Variants in BAZ1A observed in about 807,000 individuals in gnomAD.
BAZ1A encodes the protein bromodomain adjacent to zinc finger domain protein 1A.
In BAZ1A, 50 loss-of-function variants were observed where a neutral mutation model predicts 185.2. The ratio of observed to expected loss-of-function variants is 0.27; its 90% CI spans 0.22 to 0.34. The LOEUF (loss-of-function observed/expected upper bound fraction) is 0.34, where lower values mean the gene tolerates loss of function less well. Ranked by LOEUF, BAZ1A falls within the 10% of genes least tolerant of loss-of-function variation. The pLI, the probability that BAZ1A is intolerant of heterozygous loss-of-function variation, is 1.00. For missense variants in BAZ1A, 1,356 were observed against 1,839.9 expected (o/e 0.74, Z 4.81); for synonymous variants, 571 against 615.6 (o/e 0.93, Z 1.07).
intron 12 of BAZ1A, among the ~76,000 whole-genome samples, chr14:34,791,213 C>G (rs1387123610): frequency 3.3e-5 from 5 of 152,142 alleles, no homozygotes; most frequent in African/African-American, 1.2e-4. Flanking sequence ...TATATTTTTC[C>G]TTTATACTGA....
chr14:34,865,291 G>C (rs1384311581), intron 2 of BAZ1A, among the ~76,000 whole-genome samples: 1 of 152,060 alleles, frequency 6.6e-6, no homozygotes, highest in African/African-American at 2.4e-5. Flanking sequence ...ATATGCAAAA[G>C]GGTTAACAAT....
intron 6 of BAZ1A, among the ~76,000 whole-genome samples, chr14:34,803,795 T>C (rs1881709069): frequency 6.6e-6 from 1 of 152,204 alleles, no homozygotes; most frequent in Admixed American, 6.5e-5. Context: ...CTACTTAATA[T>C]ATCAAATTTC....
At chr14:34,757,252 C>T (rs1886291237) in intron 25 of BAZ1A, among the ~76,000 whole-genome samples, 1 of 150,338 alleles carries the variant, frequency 6.7e-6, no homozygotes, top group Non-Finnish European at 1.5e-5. Flanking sequence ...GTAATTCCAG[C>T]TACTCGGGAG....
At chr14:34,768,169 T>A (rs760427500) in intron 21 of BAZ1A, among the ~76,000 whole-genome samples, 1 of 152,124 alleles carries the variant, frequency 6.6e-6, no homozygotes, top group East Asian at 1.9e-4. Context: ...AATTCCTCCA[T>A]AAATTATTAA....
At position 34,807,479 on chromosome 14, in the gene BAZ1A, TCA is replaced by T; in HGVS notation, c.696_697del (p.Cys232Ter). 6.2e-7 allele frequency: 1 copy of T among 1,612,608 alleles called. No homozygotes were observed. Among genetic ancestry groups the T allele is most frequent in the Non-Finnish European group, 8.5e-7 (1 of 1,179,000 alleles). The stretch of plus-strand genomic sequence containing the variant: ...TATTTTAATGACTCCATCTTGTGGT[TCA>T]CAGTGTTGCTTCAGAAAAAGCTTTA... On this transcript the variant is annotated stop_gained and frameshift_variant, in exon 6 of 27. Coordinates refer to ENST00000360310, the MANE Select transcript of BAZ1A (RefSeq NM_013448.3). LOFTEE classifies it high-confidence loss of function.
At position 34,754,854 on chromosome 14, in the gene BAZ1A, C is replaced by T. The variant is rs1886174012; in HGVS notation, c.4447G>A (p.Val1483Met). 1 of 1,602,034 alleles carries T rather than the reference C, an allele frequency of 6.2e-7. No homozygotes were observed. The highest frequency in any genetic ancestry group is 8.5e-7 in the Non-Finnish European group (1 of 1,173,736). The change falls in exon 26 of 27, where the codon GTG becomes ATG. Residue 1483 changes from valine to methionine, a missense_variant. Around this residue, in one of 7 missense-constraint regions of BAZ1A, gnomAD observed 61 missense variants for 117.9 expected, o/e 0.52. Transcript: ENST00000360310. ...PIALNIIREK[V>M]NKCEYKLASE... ...GCTAATTTATATTCACACTTATTCACTTTTTCACGAATTATATTTAAGGCA... is the reference window on the plus strand; with the variant it reads ...GCTAATTTATATTCACACTTATTCATTTTTTCACGAATTATATTTAAGGCA...
chr14:34,764,510 T>C (rs1235821961), intron 23 of BAZ1A, among the ~76,000 whole-genome samples, 197 bp downstream of exon 23: 1 of 152,060 alleles, frequency 6.6e-6, no homozygotes, highest in African/African-American at 2.4e-5. Flanking sequence ...CAGGCTGATC[T>C]CGAACTCCTG....
chr14:34,838,957 A>G (rs2042371021), intron 3 of BAZ1A, among the ~76,000 whole-genome samples: 1 of 152,230 alleles, frequency 6.6e-6, no homozygotes, highest in Non-Finnish European at 1.5e-5. Context: ...AGACAAATAA[A>G]TACACGATGA....
At chr14:34,822,004 C>T (rs544929742) in intron 4 of BAZ1A, among the ~76,000 whole-genome samples, 26 of 147,598 alleles carry the variant, frequency 1.8e-4, no homozygotes, top group Non-Finnish European at 3.1e-4. Context: ...ATAAAAATAC[C>T]TGTGAATAGG....
At position 34,753,174 on chromosome 14, in the gene BAZ1A, TA is replaced by T. The variant is rs997046328; in HGVS notation, c.*333del. 8.9e-4 allele frequency: 197 copies of T among 220,732 alleles called. 1 individual carries two copies. Among genetic ancestry groups the T allele is most frequent in the African/African-American group, 1.6e-3 (67 of 43,110 alleles). The allele number at this position is 220,732 out of a possible 1,614,324, so 13.7% of individuals were successfully genotyped here. The stretch of plus-strand genomic sequence containing the variant: ...TAACTCTCCCTTAATACCACCACTT[TA>T]AAAAAAAATCATCAATAACAAAATA... On this transcript the variant is annotated 3_prime_UTR_variant, in exon 27 of 27. Transcript: ENST00000360310.
In BAZ1A at chr14:34,832,215, C is replaced by CACACACATATATATATATATATAT; in HGVS notation, c.393-6060_393-6059insATATATATATATATATATGTGTGT. ...ATACACACACACACACACACACACA[C>CACACACATATATATATATATATAT]ATATATATATATATATGTATGTATG... On this transcript the variant is annotated intron_variant, in intron 3 of 26. Transcript: ENST00000360310. Among the ~76,000 whole-genome samples the CACACACATATATATATATATATAT allele has an allele frequency of 5.0e-3, 448 of 89,442 alleles. 6 individuals carry two copies. Among genetic ancestry groups the CACACACATATATATATATATATAT allele is most frequent in the African/African-American group, 0.016 (426 of 26,560 alleles). The allele number at this position is 89,442 out of a possible 152,430, so 58.7% of individuals were successfully genotyped here. A position where few individuals can be genotyped will look rare whatever the true frequency, so the allele number is the denominator to read the frequency against.
At chr14:34,858,559 C>T (rs1257856509) in intron 3 of BAZ1A, among the ~76,000 whole-genome samples, 1 of 152,114 alleles carries the variant, frequency 6.6e-6, no homozygotes, top group African/African-American at 2.4e-5. Flanking sequence ...AGGTGATCCA[C>T]CTGCCTTAGC....
intron 2 of BAZ1A, among the ~76,000 whole-genome samples, chr14:34,863,849 A>AATT (rs10656446): frequency 4.6e-5 from 7 of 151,472 alleles, no homozygotes; most frequent in African/African-American, 1.7e-4. Context: ...TATTGTTTGA[A>AATT]TTTTTTTTCT....
chr14:34,778,523 C>G (rs1469555332), intron 17 of BAZ1A, among the ~76,000 whole-genome samples: 1 of 152,172 alleles, frequency 6.6e-6, no homozygotes, highest in Non-Finnish European at 1.5e-5. Context: ...ATAAAGTTGT[C>G]TAGGACTGAT....
intron 12 of BAZ1A, among the ~76,000 whole-genome samples, chr14:34,787,400 G>T (rs1027129010): frequency 7.0e-6 from 1 of 143,384 alleles, no homozygotes; most frequent in African/African-American, 2.6e-5. Flanking sequence ...AAAAACCAGT[G>T]GGGGCCGGGC....
At chr14:34,791,148 A>AAGAGAAGAG (rs1555339956) in intron 12 of BAZ1A, among the ~76,000 whole-genome samples, 2 of 151,434 alleles carry the variant, frequency 1.3e-5, no homozygotes, top group South Asian at 2.1e-4. Flanking sequence ...AGAGAAGAGA[A>AAGAGAAGAG]AAGAGAAGAG....
chr14:34,827,560 C>T (rs1316453365), intron 3 of BAZ1A, among the ~76,000 whole-genome samples: 2 of 151,788 alleles, frequency 1.3e-5, no homozygotes, highest in African/African-American at 2.4e-5. Context: ...CTGGTGAAAC[C>T]CCATCTCTAC....
chr14:34,788,448 C>T lies in BAZ1A; in HGVS notation c.1511-2227G>A, dbSNP rs558013288. Among the ~76,000 whole-genome samples the T allele has an allele frequency of 1.1e-4, 16 of 152,228 alleles. No homozygotes were observed. In the East Asian group the frequency reaches 1.9e-3, roughly 18 times the overall value. The stretch of plus-strand genomic sequence containing the variant: ...CCTCCCCAGTAGCTGGGACTACAGG[C>T]GCATGCCACCATGCCCACCTAGTTT... On this transcript the variant is annotated intron_variant, in intron 12 of 26. Transcript: ENST00000360310.
intron 25 of BAZ1A, among the ~76,000 whole-genome samples, chr14:34,755,554 CCTT>C (rs1886202404): frequency 6.6e-6 from 1 of 152,142 alleles, no homozygotes; most frequent in South Asian, 2.1e-4. Context: ...GAAATTCTAT[CCTT>C]CTTCAATGAC....
Sources: gnomAD v4.1 joint callset for allele counts (sites outside exome capture counted in the v4.1 genomes callset) on GRCh38, gnomAD v4.1.1 for gene constraint, gnomAD v4.1.1 regional missense constraint, MANE v1.5 for transcripts, NCBI Gene and HGNC (gene_info 2026-07-23, HGNC 2026-07-21) for gene names.